Variants in PHLPP1 observed in about 807,000 individuals in gnomAD.
PHLPP1 encodes PH domain leucine-rich repeat-containing protein phosphatase 1.
A neutral mutation model predicts 117.2 loss-of-function variants in PHLPP1; 42 were observed. The ratio of observed to expected loss-of-function variants is 0.36; its 90% CI spans 0.28 to 0.46. The LOEUF is 0.46. Ranked by LOEUF, PHLPP1 falls within the 20% of genes least tolerant of loss-of-function variation. The pLI is 1.00. For missense variants in PHLPP1, 2,084 were observed against 2,241.9 expected, an observed-to-expected ratio of 0.93 and a Z score of 1.42; for synonymous variants, 1,042 against 970.7, an observed-to-expected ratio of 1.07 and a Z score of -1.37.
At chr18:62,782,569 GC>G (rs1913148392) in intron 1 of PHLPP1, among the ~76,000 whole-genome samples, 1 of 152,164 alleles carries the variant, frequency 6.6e-6, no homozygotes, top group Non-Finnish European at 1.5e-5. Flanking sequence ...CATGAATTCA[GC>G]TATATGCACT....
intron 3 of PHLPP1, among the ~76,000 whole-genome samples, chr18:62,850,489 T>C (rs912554039): frequency 1.1e-4 from 16 of 152,280 alleles, no homozygotes; most frequent in Admixed American, 4.6e-4. Context: ...GTAAGTTTTT[T>C]TGTGGTTCAT....
chr18:62,904,714 GACATTT>G (rs1453895896), intron 7 of PHLPP1, among the ~76,000 whole-genome samples: 1 of 152,194 alleles, frequency 6.6e-6, no homozygotes, highest in East Asian at 1.9e-4. Context: ...GAAGCAGAAG[GACATTT>G]ACAAACTACT....
At chr18:62,844,619 A>G (rs1009950847) in intron 3 of PHLPP1, among the ~76,000 whole-genome samples, 1 of 152,030 alleles carries the variant, frequency 6.6e-6, no homozygotes, top group African/African-American at 2.4e-5. Flanking sequence ...GCTCACAACT[A>G]TTTTCACATG....
chr18:62,787,035 A>G (rs1913309837), intron 1 of PHLPP1, among the ~76,000 whole-genome samples: 1 of 152,034 alleles, frequency 6.6e-6, no homozygotes, highest in Non-Finnish European at 1.5e-5. Flanking sequence ...TCATTCATTT[A>G]TTTATTTATT....
At chr18:62,827,609 A>G (rs1441370064) in intron 1 of PHLPP1, among the ~76,000 whole-genome samples, 3 of 152,244 alleles carry the variant, frequency 2.0e-5, no homozygotes, top group Non-Finnish European at 4.4e-5. Flanking sequence ...CAATAGGGAC[A>G]TTGAAGTTCA....
intron 1 of PHLPP1, among the ~76,000 whole-genome samples, chr18:62,728,022 C>T (rs1911126178): frequency 6.6e-6 from 1 of 152,108 alleles, no homozygotes; most frequent in African/African-American, 2.4e-5. Flanking sequence ...TGCGGTGGCT[C>T]ACGCGTGTAA....
intron 3 of PHLPP1, among the ~76,000 whole-genome samples, chr18:62,846,139 G>A (rs1242418324): frequency 6.7e-6 from 1 of 149,032 alleles, no homozygotes; most frequent in African/African-American, 2.5e-5. Context: ...AACTCAGGAG[G>A]TAGAGGTTGC....
At chr18:62,963,568 T>G in intron 14 of PHLPP1, 96 bp downstream of exon 14, 4 of 766,614 alleles carry the variant, frequency 5.2e-6, no homozygotes, top group Non-Finnish European at 8.6e-6. Flanking sequence ...CACACACTTT[T>G]CTCATGTAAA....
chr18:62,895,151 T>C lies in PHLPP1; in HGVS notation c.2207T>C (p.Met736Thr). 2 of 1,613,602 alleles carry C rather than the reference T, an allele frequency of 1.2e-6. No homozygotes were observed. Among genetic ancestry groups the C allele is most frequent in the Non-Finnish European group, 8.5e-7 (1 of 1,179,800 alleles). ...LRSVPAAVGV[M>T]HNLQTFLLDG... ...TCAGTCCCGGCAGCCGTTGGAGTGA[T>C]GCACAAGTGTGTACTTCAAACCCCA... Residue 736 changes from methionine to threonine, a missense_variant, in exon 5 of 17, where the codon ATG becomes ACG. By Grantham distance (81) the Met-to-Thr change is moderately conservative (BLOSUM62 -1). Coordinates refer to ENST00000262719, the MANE Select transcript of PHLPP1 (RefSeq NM_194449.4).
intron 6 of PHLPP1, among the ~76,000 whole-genome samples, chr18:62,899,932 G>A (rs904154588): frequency 2.0e-5 from 3 of 152,166 alleles, no homozygotes; most frequent in African/African-American, 7.2e-5. Context: ...GCCTCCCCAA[G>A]TGCTGAGAAT....
At chr18:62,756,905 A>G (rs1159534183) in intron 1 of PHLPP1, among the ~76,000 whole-genome samples, 1 of 152,220 alleles carries the variant, frequency 6.6e-6, no homozygotes, top group Non-Finnish European at 1.5e-5. Context: ...TTGATCAAGA[A>G]GAGAAGTGTA....
intron 13 of PHLPP1, among the ~76,000 whole-genome samples, chr18:62,961,063 G>A (rs1489393803): frequency 6.6e-6 from 1 of 152,130 alleles, no homozygotes; most frequent in African/African-American, 2.4e-5. Context: ...TTGGGAGGCC[G>A]AGGTGGGTAG....
chr18:62,862,300 C>T (rs1401014761), intron 4 of PHLPP1, among the ~76,000 whole-genome samples: 6 of 151,874 alleles, frequency 4.0e-5, no homozygotes, highest in African/African-American at 1.2e-4. Flanking sequence ...AGTCTGGTCT[C>T]GAACTCCTGA....
intron 1 of PHLPP1, among the ~76,000 whole-genome samples, chr18:62,775,737 A>G (rs1214653327): frequency 6.6e-6 from 1 of 152,216 alleles, no homozygotes; most frequent in Non-Finnish European, 1.5e-5. Flanking sequence ...TTTGAAGTAT[A>G]TAATTAGATC....
intron 1 of PHLPP1, among the ~76,000 whole-genome samples, chr18:62,801,142 G>A (rs1913770688): frequency 6.7e-6 from 1 of 148,680 alleles, no homozygotes; most frequent in Non-Finnish European, 1.5e-5. Flanking sequence ...TCCTTCTCCT[G>A]GGCCCCAGTG....
At chr18:62,762,560 T>A (rs1031348408) in intron 1 of PHLPP1, among the ~76,000 whole-genome samples, 5 of 151,798 alleles carry the variant, frequency 3.3e-5, no homozygotes, top group Admixed American at 1.3e-4. Flanking sequence ...ACTACAGATG[T>A]GTGCCACCAT....
chr18:62,887,489 G>A (rs1277612728), intron 4 of PHLPP1, among the ~76,000 whole-genome samples: 1 of 152,230 alleles, frequency 6.6e-6, no homozygotes, highest in Admixed American at 6.5e-5. Flanking sequence ...GTGAAGTCCA[G>A]GATCAAGGCA....
chr18:62,716,317 G>T lies in PHLPP1; in HGVS notation c.634G>T (p.Ala212Ser), dbSNP rs1351742233. The part of the protein sequence containing the change: ...GCVHVFDRHM[A>S]STYLRPVLCT... The stretch of plus-strand genomic sequence containing the variant: ...CGTGCACGTCTTCGACCGCCACATG[G>T]CCTCGACCTACCTGCGCCCGGTGCT... The change falls in exon 1 of 17, where the codon GCC becomes TCC. Residue 212 changes from alanine to serine, a missense_variant. Transcript: ENST00000262719. This position sits in a 1 kb window ranked among gnomAD's most constrained non-coding sequence, Gnocchi z 5.7. 1 of 1,530,730 alleles carries T rather than the reference G, an allele frequency of 6.5e-7. No homozygotes were observed. Among genetic ancestry groups the T allele is most frequent in the Non-Finnish European group, 8.7e-7 (1 of 1,145,082 alleles). 94.8% of individuals were successfully genotyped at this position (1,530,730 alleles called of 1,614,324 possible). A position where few individuals can be genotyped will look rare whatever the true frequency, so the allele number is the denominator to read the frequency against.
intron 14 of PHLPP1, among the ~76,000 whole-genome samples, chr18:62,967,928 A>G (rs1910949881): frequency 6.6e-6 from 1 of 151,628 alleles, no homozygotes; most frequent in African/African-American, 2.4e-5. Context: ...GGGTTCAAGC[A>G]GTTCTCCACC....
Sources: allele counts gnomAD v4.1 joint callset (sites outside exome capture counted in the v4.1 genomes callset), GRCh38; gene constraint gnomAD v4.1.1; non-coding constraint Gnocchi (gnomAD v3.1); transcripts MANE v1.5; gene names NCBI Gene and HGNC (gene_info 2026-07-23, HGNC 2026-07-21).